GRM7: variants seen among roughly 807,000 people sequenced by gnomAD.
GRM7 encodes glutamate metabotropic receptor 7, also known as metabotropic glutamate receptor 7.
GRM7 carries 35 observed loss-of-function variants against 84.5 expected under a neutral mutation model. That is an observed-to-expected ratio of 0.41 (90% confidence interval 0.32 to 0.55). The LOEUF is 0.55. GRM7 is among the 20% of genes least tolerant of loss of function. GRM7 has a pLI of 0.19. For missense variants in GRM7, 1,003 were observed against 1,194.6 expected, an observed-to-expected ratio of 0.84 and a Z score of 2.36; for synonymous variants, 487 against 455.1, an observed-to-expected ratio of 1.07 and a Z score of -0.89.
chr3:7,274,365 T>C (rs558756914), intron 2 of GRM7, among the ~76,000 whole-genome samples: 2 of 152,050 alleles, frequency 1.3e-5, no homozygotes, highest in African/African-American at 2.4e-5. Context: ...TTTTCCTCCA[T>C]GTAGATATGA....
chr3:7,305,673 GA>G (rs1165530037), intron 3 of GRM7, among the ~76,000 whole-genome samples: 5 of 150,882 alleles, frequency 3.3e-5, no homozygotes, highest in Admixed American at 6.6e-5. Context: ...CTGCCTGGAA[GA>G]AAAAAAAGTA....
At chr3:7,032,006 A>C (rs564833514) in intron 1 of GRM7, among the ~76,000 whole-genome samples, 1 of 152,178 alleles carries the variant, frequency 6.6e-6, no homozygotes, top group Non-Finnish European at 1.5e-5. Context: ...GGGAAATGAC[A>C]ATCTATGCTT....
intron 1 of GRM7, among the ~76,000 whole-genome samples, chr3:6,969,717 C>A (rs555717611): frequency 2.0e-5 from 3 of 152,210 alleles, no homozygotes; most frequent in Non-Finnish European, 4.4e-5. Flanking sequence ...CCTGCCTGCT[C>A]CTTCTCTTAG....
At chr3:7,341,371 ATGTTTTT>A (rs1455344953) in intron 4 of GRM7, among the ~76,000 whole-genome samples, 1 of 148,658 alleles carries the variant, frequency 6.7e-6, no homozygotes, top group Non-Finnish European at 1.5e-5. Flanking sequence ...AATTCAACTC[ATGTTTTT>A]TTTTTGTTTA....
chr3:6,998,914 G>A (rs751335640), intron 1 of GRM7, among the ~76,000 whole-genome samples: 29 of 152,326 alleles, frequency 1.9e-4, no homozygotes, highest in Non-Finnish European at 3.8e-4. Context: ...TGATGGAGAA[G>A]CTGCCAAGAA....
At chr3:7,208,920 T>G (rs923969436) in intron 2 of GRM7, among the ~76,000 whole-genome samples, 6 of 152,184 alleles carry the variant, frequency 3.9e-5, no homozygotes, top group African/African-American at 1.4e-4. Flanking sequence ...CTTCCACAAG[T>G]TCAGTAATAC....
At chr3:6,931,837 G>A (rs957671796) in intron 1 of GRM7, among the ~76,000 whole-genome samples, 3 of 152,224 alleles carry the variant, frequency 2.0e-5, no homozygotes, top group Admixed American at 2.0e-4. Context: ...CATTTGAAAC[G>A]CTGGAATGCA....
chr3:7,421,144 A>G (rs73115583), intron 5 of GRM7, among the ~76,000 whole-genome samples: 6,498 of 152,268 alleles, frequency 0.043, 437 homozygotes, highest in African/African-American at 0.14. Context: ...CTTAAATATG[A>G]AAGTTTATCT....
At chr3:6,957,083 C>T (rs895615585) in intron 1 of GRM7, among the ~76,000 whole-genome samples, 6 of 151,940 alleles carry the variant, frequency 3.9e-5, no homozygotes, top group South Asian at 2.1e-4. Context: ...TATTATAGAC[C>T]CTTTCAGTGC....
At chr3:7,711,975 G>A (rs1413898546) in intron 9 of GRM7, among the ~76,000 whole-genome samples, 6 of 152,164 alleles carry the variant, frequency 3.9e-5, no homozygotes, top group Non-Finnish European at 8.8e-5. Context: ...GTCATAAAAT[G>A]AGCATTTCTG....
intron 1 of GRM7, among the ~76,000 whole-genome samples, chr3:6,952,549 A>G (rs984123894): frequency 6.6e-6 from 1 of 151,974 alleles, no homozygotes; most frequent in Admixed American, 6.6e-5. Flanking sequence ...GCTCTGTCTT[A>G]TTTCCCCTCC....
chr3:7,403,345 A>G (rs985047863), intron 4 of GRM7, among the ~76,000 whole-genome samples: 1 of 151,744 alleles, frequency 6.6e-6, no homozygotes, highest in African/African-American at 2.4e-5. Context: ...ATTATATATT[A>G]TAAATGTATA....
At chr3:7,082,460 A>G (rs1698306103) in intron 1 of GRM7, among the ~76,000 whole-genome samples, 1 of 152,126 alleles carries the variant, frequency 6.6e-6, no homozygotes, top group Non-Finnish European at 1.5e-5. Context: ...TTGTTACCCA[A>G]AAGCTCTCAT....
chr3:7,481,298 G>T (rs751435118), intron 7 of GRM7, among the ~76,000 whole-genome samples: 2 of 152,016 alleles, frequency 1.3e-5, no homozygotes, highest in Non-Finnish European at 2.9e-5. Flanking sequence ...GGCTAGTCTT[G>T]AACTCCTGTG....
At chr3:7,185,972 A>G (rs1695499843) in intron 2 of GRM7, among the ~76,000 whole-genome samples, 1 of 152,208 alleles carries the variant, frequency 6.6e-6, no homozygotes, top group Non-Finnish European at 1.5e-5. Flanking sequence ...CTTCAGGTGG[A>G]AATTATATGG....
intron 1 of GRM7, among the ~76,000 whole-genome samples, chr3:7,094,572 C>T (rs1181558105): frequency 6.6e-6 from 1 of 152,170 alleles, no homozygotes; most frequent in Non-Finnish European, 1.5e-5. Flanking sequence ...ACTAGTTGCA[C>T]TCCCATTGGG....
At chr3:7,149,020 A>G (rs1264391745) in intron 2 of GRM7, among the ~76,000 whole-genome samples, 1 of 152,148 alleles carries the variant, frequency 6.6e-6, no homozygotes. Context: ...ATATTATAGT[A>G]TTTGGCATGT....
chr3:7,531,642 C>G (rs1575460391), intron 7 of GRM7, among the ~76,000 whole-genome samples: 1 of 152,152 alleles, frequency 6.6e-6, no homozygotes, highest in Non-Finnish European at 1.5e-5. Flanking sequence ...GTGATTTTTG[C>G]ATATTGATTT....
intron 1 of GRM7, among the ~76,000 whole-genome samples, chr3:6,966,655 A>T (rs1407955452): frequency 6.6e-6 from 1 of 152,242 alleles, no homozygotes; most frequent in African/African-American, 2.4e-5. Context: ...GAATCAGTGT[A>T]TCTATTAGAA....
Sources: gnomAD v4.1 joint callset for allele counts (sites outside exome capture counted in the v4.1 genomes callset) on GRCh38, gnomAD v4.1.1 for gene constraint, MANE v1.5 for transcripts, NCBI Gene and HGNC (gene_info 2026-07-23, HGNC 2026-07-21) for gene names.